Variants in ROCK2 observed in about 807,000 individuals in gnomAD.
ROCK2 encodes the protein Rho associated coiled-coil containing protein kinase 2.
Under a neutral mutation model 195.1 loss-of-function variants are expected in ROCK2, and 61 were observed. The observed-to-expected ratio is 0.31, with a 90% CI of 0.25 to 0.39. The LOEUF is 0.39. Ranked by LOEUF, ROCK2 falls within the 10% of genes least tolerant of loss-of-function variation. The probability of loss-of-function intolerance (pLI) is 1.00; values close to 1 mark genes in which losing one functional copy is unlikely to be tolerated. For synonymous variants in ROCK2, 504 were observed against 545.5 expected (o/e 0.92, Z 1.06); for missense variants, 1,109 against 1,637.4 (o/e 0.68, Z 5.57).
chr2:11,232,431 A>C (rs1665053155), intron 5 of ROCK2, among the ~76,000 whole-genome samples: 1 of 152,144 alleles, frequency 6.6e-6, no homozygotes, highest in East Asian at 1.9e-4. Context: ...AGCTGGCCAA[A>C]ACTATGGACA....
At chr2:11,213,059 A>G (rs1572250704) in intron 17 of ROCK2, among the ~76,000 whole-genome samples, 2 of 152,210 alleles carry the variant, frequency 1.3e-5, no homozygotes, top group South Asian at 2.1e-4. Flanking sequence ...CTCATATGCC[A>G]TATCTAATCA....
intron 3 of ROCK2, among the ~76,000 whole-genome samples, chr2:11,272,687 C>T (rs1395937686): frequency 6.6e-6 from 1 of 151,826 alleles, no homozygotes; most frequent in Non-Finnish European, 1.5e-5. Flanking sequence ...TGAGACCAGC[C>T]TTGCCAACAT....
intron 1 of ROCK2, among the ~76,000 whole-genome samples, chr2:11,329,765 C>T (rs980524682): frequency 6.6e-5 from 10 of 151,562 alleles, no homozygotes; most frequent in African/African-American, 2.2e-4. Flanking sequence ...CCTTTAGGTG[C>T]GTTTTCTCGT....
intron 3 of ROCK2, among the ~76,000 whole-genome samples, chr2:11,259,473 T>A (rs540586838): frequency 6.6e-6 from 1 of 151,506 alleles, no homozygotes; most frequent in Admixed American, 6.5e-5. Flanking sequence ...CATACAAATA[T>A]GGGTTTCAGG....
chr2:11,302,661 T>C (rs976150361), intron 1 of ROCK2, among the ~76,000 whole-genome samples: 1 of 152,176 alleles, frequency 6.6e-6, no homozygotes, highest in Non-Finnish European at 1.5e-5. Flanking sequence ...TAGCTTGAAC[T>C]GAGATGCTCT....
chr2:11,264,324 T>C (rs758557907), intron 3 of ROCK2, among the ~76,000 whole-genome samples: 18 of 152,200 alleles, frequency 1.2e-4, no homozygotes, highest in Middle Eastern at 3.4e-3. Context: ...ACAGTAAAAG[T>C]GGATGGACTG....
intron 1 of ROCK2, among the ~76,000 whole-genome samples, chr2:11,317,576 TTATATATA>T (rs1156983946): frequency 8.5e-4 from 25 of 29,584 alleles, no homozygotes; most frequent in African/African-American, 3.4e-3. Context: ...ATCTACACAT[TTATATATA>T]TATATATATA....
intron 4 of ROCK2, among the ~76,000 whole-genome samples, chr2:11,238,209 AGTGTGTGTGT>A (rs6146630): frequency 7.4e-6 from 1 of 135,364 alleles, no homozygotes; most frequent in African/African-American, 2.9e-5. Flanking sequence ...ATTGAGAAAG[AGTGTGTGTGT>A]GTGTGTGTGT....
chr2:11,187,269 T>G (rs1663232597), intron 32 of ROCK2, among the ~76,000 whole-genome samples: 1 of 152,214 alleles, frequency 6.6e-6, no homozygotes, highest in African/African-American at 2.4e-5. Context: ...TCAAAACAAC[T>G]TAGAAGTTTT....
At chr2:11,214,076 C>T (rs992555223) in intron 17 of ROCK2, among the ~76,000 whole-genome samples, 1 of 152,090 alleles carries the variant, frequency 6.6e-6, no homozygotes, top group African/African-American at 2.4e-5. Context: ...TGTTATGAGT[C>T]GAAATTTGAG....
chr2:11,186,109 G>A (rs188710173), intron 32 of ROCK2, among the ~76,000 whole-genome samples: 1 of 152,156 alleles, frequency 6.6e-6, no homozygotes, highest in African/African-American at 2.4e-5. Context: ...TAAACACAGC[G>A]ACTCAAATTA....
Position 11,344,223 on chromosome 2 carries a change from C to T in ROCK2, c.-87G>A, listed in dbSNP as rs1669207744. The T allele has an allele frequency of 7.6e-7, 1 of 1,323,050 alleles. No individual in the cohort carries two copies. The highest frequency in any genetic ancestry group is 9.6e-7 in the Non-Finnish European group (1 of 1,040,244). 82.0% of individuals were successfully genotyped at this position (1,323,050 alleles called of 1,614,324 possible). On this transcript the variant is annotated 5_prime_UTR_variant, in exon 1 of 33. Transcript: ENST00000315872. The surrounding 1 kb of genome is among the most constrained non-coding windows in gnomAD (Gnocchi z 5.4). ...AGCACCGCCCCCGAACCACCAGCTC[C>T]GGCCGGGACTCCACCCGGGCCCACC...
chr2:11,201,745 AG>A lies in ROCK2; in HGVS notation c.2619+306del, dbSNP rs1325586726. ...TGTTATTGGCTTAAATCAATAAAAC[AG>A]GAGTTTCTACTTCATATTTTTAAAA... On this transcript the variant is annotated intron_variant, in intron 21 of 32. Coordinates refer to ENST00000315872, the MANE Select transcript of ROCK2 (RefSeq NM_004850.5). This position sits in a 1 kb window ranked among gnomAD's most constrained non-coding sequence, Gnocchi z 4.6. 6.6e-6 allele frequency among the ~76,000 whole-genome samples: 1 copy of A among 152,238 alleles called. No individual in the cohort carries two copies. Among genetic ancestry groups the A allele is most frequent in the Non-Finnish European group, 1.5e-5 (1 of 68,030 alleles).
intron 1 of ROCK2, among the ~76,000 whole-genome samples, chr2:11,312,875 GC>G (rs1244860551): frequency 1.3e-5 from 2 of 152,082 alleles, no homozygotes; most frequent in Non-Finnish European, 2.9e-5. Context: ...ATTCTGAAAA[GC>G]CTACGCACTG....
chr2:11,339,266 TAAAG>T (rs1203529893), intron 1 of ROCK2, among the ~76,000 whole-genome samples: 3 of 152,108 alleles, frequency 2.0e-5, no homozygotes, highest in African/African-American at 7.2e-5. Flanking sequence ...AATGGACAGA[TAAAG>T]AAAATACAGC....
chr2:11,238,230 GTGTGTGTGTGTCTGT>G (rs1371035261), intron 4 of ROCK2, among the ~76,000 whole-genome samples: 1 of 151,094 alleles, frequency 6.6e-6, no homozygotes, highest in Non-Finnish European at 1.5e-5. Flanking sequence ...GTGTGTGTGT[GTGTGTGTGTGTCTGT>G]TGTGTGTGTC....
intron 1 of ROCK2, among the ~76,000 whole-genome samples, chr2:11,317,576 T>TTTTATATATATATATATA (rs1553317356): frequency 6.8e-5 from 2 of 29,584 alleles, no homozygotes; most frequent in Non-Finnish European, 5.7e-5. Context: ...ATCTACACAT[T>TTTTATATATATATATATA]TATATATATA....
chr2:11,314,280 T>A (rs1045409108), intron 1 of ROCK2, among the ~76,000 whole-genome samples: 1 of 151,106 alleles, frequency 6.6e-6, no homozygotes, highest in African/African-American at 2.4e-5. Context: ...TCTAATTTGC[T>A]GCTCTCTTTA....
At chr2:11,202,989 G>A (rs1163976139) in intron 20 of ROCK2, among the ~76,000 whole-genome samples, 1 of 152,160 alleles carries the variant, frequency 6.6e-6, no homozygotes, top group Non-Finnish European at 1.5e-5. Context: ...CTTCTGGGGA[G>A]GCGAGAAGTG....
Sources: gnomAD v4.1 joint callset for allele counts (sites outside exome capture counted in the v4.1 genomes callset) on GRCh38, gnomAD v4.1.1 for gene constraint, Gnocchi (gnomAD v3.1) non-coding constraint, MANE v1.5 for transcripts, NCBI Gene and HGNC (gene_info 2026-07-23, HGNC 2026-07-21) for gene names.